RNF150: variants seen among roughly 807,000 people sequenced by gnomAD.
RNF150 encodes ring finger protein 150.
Under a neutral mutation model 39.3 loss-of-function variants are expected in RNF150, and 24 were observed. That is an observed-to-expected ratio of 0.61 (90% CI 0.44 to 0.86). The LOEUF is 0.86. RNF150 is among the 40% of genes least tolerant of loss of function. RNF150 has a pLI of 0.00. For synonymous variants in RNF150, 255 were observed against 227.3 expected (o/e 1.12, Z -1.10); for missense variants, 502 against 587.8 (o/e 0.85, Z 1.51).
intron 4 of RNF150, among the ~76,000 whole-genome samples, chr4:140,929,022 T>C (rs1322444274): frequency 2.6e-5 from 4 of 152,212 alleles, no homozygotes; most frequent in Non-Finnish European, 5.9e-5. Flanking sequence ...AGTTGATGCT[T>C]AAGTTCCTAA....
chr4:141,166,173 T>C (rs963529612), intron 1 of RNF150, among the ~76,000 whole-genome samples: 1 of 152,082 alleles, frequency 6.6e-6, no homozygotes, highest in Non-Finnish European at 1.5e-5. Flanking sequence ...TATAAACACC[T>C]CTATGCAAAT....
intron 2 of RNF150, among the ~76,000 whole-genome samples, chr4:140,957,652 A>C (rs62325704): frequency 0.14 from 21,639 of 151,702 alleles, 1,611 homozygotes; most frequent in South Asian, 0.19. Context: ...AACCAACCCA[A>C]ATGTCCAACA....
chr4:141,036,107 A>G (rs542909893), intron 1 of RNF150, among the ~76,000 whole-genome samples: 1 of 152,338 alleles, frequency 6.6e-6, no homozygotes, highest in South Asian at 2.1e-4. Context: ...AATGTGACAG[A>G]CATGTGGAGA....
chr4:141,137,478 GGAA>G, upstream of RNF150, among the ~76,000 whole-genome samples: 1 of 152,290 alleles, frequency 6.6e-6, no homozygotes, highest in East Asian at 1.9e-4. Context: ...CATGTAGTAT[GGAA>G]GAAGAAGAGG....
chr4:140,888,249 G>A (rs1729645387), intron 6 of RNF150, among the ~76,000 whole-genome samples: 1 of 152,176 alleles, frequency 6.6e-6, no homozygotes, highest in South Asian at 2.1e-4. Flanking sequence ...CTGAAAAGGT[G>A]ACAGACTCAC....
In RNF150 at chr4:141,032,866, C is replaced by A. The variant is rs559141007; in HGVS notation, c.485-64993G>T. Among the ~76,000 whole-genome samples, 7 of 152,286 alleles carry A rather than the reference C, an allele frequency of 4.6e-5. No individual in the cohort carries two copies. In the South Asian group the frequency reaches 1.2e-3, roughly 27 times the overall value. On this transcript the variant is annotated intron_variant, in intron 1 of 6. Transcript: ENST00000515673. ...ACATAATGTCTAAAAAAGCAATGTA[C>A]ATACCTTAATTAAAAATACTTTATT...
chr4:141,054,300 C>T (rs765233400), intron 1 of RNF150, among the ~76,000 whole-genome samples: 1 of 152,114 alleles, frequency 6.6e-6, no homozygotes, highest in Non-Finnish European at 1.5e-5. Context: ...TGTTCATTCA[C>T]TTCTGTCACA....
At chr4:140,996,639 C>G (rs76319822) in intron 1 of RNF150, among the ~76,000 whole-genome samples, 1 of 151,996 alleles carries the variant, frequency 6.6e-6, no homozygotes, top group African/African-American at 2.4e-5. Flanking sequence ...TTAAACGTTA[C>G]GAAAATTATC....
At chr4:141,114,559 A>G (rs1024693035) in intron 1 of RNF150, among the ~76,000 whole-genome samples, 1 of 152,290 alleles carries the variant, frequency 6.6e-6, no homozygotes, top group Non-Finnish European at 1.5e-5. Context: ...TTCACAGCCA[A>G]ATTCACAGCC....
chr4:140,880,640 T>G (rs928059363), intron 6 of RNF150, among the ~76,000 whole-genome samples: 1 of 149,270 alleles, frequency 6.7e-6, no homozygotes, highest in Non-Finnish European at 1.5e-5. Flanking sequence ...TGGTCCTGGG[T>G]TTTTTTTTGT....
chr4:141,006,855 C>A (rs1000382197), intron 1 of RNF150, among the ~76,000 whole-genome samples: 8 of 152,104 alleles, frequency 5.3e-5, no homozygotes, highest in Non-Finnish European at 1.0e-4. Context: ...GGTGAAAAAA[C>A]CAAATTTAGA....
intron 1 of RNF150, among the ~76,000 whole-genome samples, chr4:141,122,109 G>A (rs1726622298): frequency 6.6e-6 from 1 of 152,136 alleles, no homozygotes; most frequent in Non-Finnish European, 1.5e-5. Context: ...GAAAGAAAAT[G>A]AGCCCCAGAG....
intron 5 of RNF150, among the ~76,000 whole-genome samples, chr4:140,918,269 C>T (rs182530812): frequency 6.6e-6 from 1 of 152,132 alleles, no homozygotes; most frequent in Admixed American, 6.5e-5. Context: ...TTCTTGAAAA[C>T]ATCAACGAAA....
At chr4:141,160,493 T>C (rs1313846343) in intron 1 of RNF150, among the ~76,000 whole-genome samples, 1 of 152,220 alleles carries the variant, frequency 6.6e-6, no homozygotes, top group Non-Finnish European at 1.5e-5. Flanking sequence ...GTATGTCAAC[T>C]CATAGAAAAA....
intron 1 of RNF150, among the ~76,000 whole-genome samples, chr4:141,185,812 G>A (rs923988034): frequency 1.3e-5 from 2 of 152,196 alleles, no homozygotes; most frequent in African/African-American, 2.4e-5. Flanking sequence ...GATTGGCTCT[G>A]TTTACGTGAT....
At chr4:140,891,445 C>A (rs1018338667) in intron 6 of RNF150, among the ~76,000 whole-genome samples, 1 of 152,132 alleles carries the variant, frequency 6.6e-6, no homozygotes, top group African/African-American at 2.4e-5. Context: ...GTGGGAGGAA[C>A]TGGGAAGGCT....
chr4:141,053,952 C>A (rs1172570414), intron 1 of RNF150, among the ~76,000 whole-genome samples: 1 of 152,040 alleles, frequency 6.6e-6, no homozygotes, highest in Non-Finnish European at 1.5e-5. Context: ...TTTGGCTATA[C>A]TTTTTTTCTT....
intron 1 of RNF150, among the ~76,000 whole-genome samples, chr4:141,186,116 C>T (rs1249696639): frequency 6.6e-6 from 1 of 152,188 alleles, no homozygotes; most frequent in Non-Finnish European, 1.5e-5. Context: ...GTACCAGCTC[C>T]TCTTTGTACC....
At chr4:140,947,983 T>G (rs925735440) in intron 3 of RNF150, among the ~76,000 whole-genome samples, 1 of 152,220 alleles carries the variant, frequency 6.6e-6, no homozygotes, top group Non-Finnish European at 1.5e-5. Context: ...TTACTAACAA[T>G]GCTATTAATT....
Sources: allele counts gnomAD v4.1 joint callset (sites outside exome capture counted in the v4.1 genomes callset), GRCh38; gene constraint gnomAD v4.1.1; transcripts MANE v1.5; gene names NCBI Gene and HGNC (gene_info 2026-07-23, HGNC 2026-07-21).